The following NEK11 variants were observed in gnomAD, a reference collection of about 807,000 sequenced individuals.
NEK11 encodes serine/threonine-protein kinase Nek11.
A neutral mutation model predicts 80.7 loss-of-function variants in NEK11; 72 were observed. The ratio of observed to expected loss-of-function variants is 0.89; its 90% confidence interval spans 0.74 to 1.08. NEK11 has a LOEUF of 1.08. Among genes scored for constraint, NEK11 ranks in the 50% least tolerant of loss-of-function variants. The pLI, the probability that NEK11 is intolerant of heterozygous loss-of-function variation, is 0.00. For missense variants in NEK11, 764 were observed against 763.6 expected (o/e 1.00, Z -0.01); for synonymous variants, 251 against 260.7 (o/e 0.96, Z 0.36).
chr3:131,209,528 A>C (rs900371609), intron 14 of NEK11, among the ~76,000 whole-genome samples: 2 of 151,764 alleles, frequency 1.3e-5, no homozygotes, highest in African/African-American at 4.8e-5. Context: ...TTTTCTATTG[A>C]TCTATTGATT....
At chr3:131,286,543 C>T (rs1019750567) in intron 17 of NEK11, among the ~76,000 whole-genome samples, 13 of 152,148 alleles carry the variant, frequency 8.5e-5, no homozygotes, top group African/African-American at 3.1e-4. Flanking sequence ...TACAGCTGTT[C>T]CTATAGTATT....
At chr3:131,118,773 G>C (rs923510893) in intron 5 of NEK11, among the ~76,000 whole-genome samples, 1 of 152,140 alleles carries the variant, frequency 6.6e-6, no homozygotes, top group Non-Finnish European at 1.5e-5. Flanking sequence ...GGTGTTTATA[G>C]TATTCTCTGA....
intron 14 of NEK11, among the ~76,000 whole-genome samples, chr3:131,182,948 C>T (rs1446537650): frequency 2.0e-5 from 3 of 152,202 alleles, no homozygotes; most frequent in Admixed American, 2.0e-4. Flanking sequence ...CTACCTCCCA[C>T]AAATCCATTT....
Position 131,050,587 on chromosome 3 carries a change from C to T in NEK11, c.170+20709C>T, listed in dbSNP as rs139346605. 5.7e-3 allele frequency among the ~76,000 whole-genome samples: 861 copies of T among 152,238 alleles called. 8 individuals carry two copies. The highest frequency in any genetic ancestry group is 0.014 in the Middle Eastern group (4 of 294). ...TATCTTCTGGAATAAAATGCAGGAA[C>T]CTTTAGTACATTTTATTGACACTAA... On this transcript the variant is annotated intron_variant, in intron 3 of 17. Transcript: ENST00000383366.
At chr3:131,225,586 C>A (rs985483855) in intron 14 of NEK11, among the ~76,000 whole-genome samples, 1 of 152,146 alleles carries the variant, frequency 6.6e-6, no homozygotes, top group Non-Finnish European at 1.5e-5. Context: ...GATGAGAAAA[C>A]TGAAGTGCAG....
chr3:131,337,057 C>T (rs146372882), intron 17 of NEK11, among the ~76,000 whole-genome samples: 1 of 152,266 alleles, frequency 6.6e-6, no homozygotes, highest in African/African-American at 2.4e-5. Context: ...GTCAGTGTGG[C>T]AATTCCTCAG....
chr3:131,332,557 C>T lies in NEK11; in HGVS notation c.1719-17000C>T, dbSNP rs528947545. Among the ~76,000 whole-genome samples, 20 of 152,274 alleles carry T rather than the reference C, an allele frequency of 1.3e-4. No individual in the cohort carries two copies. The South Asian group carries it at 3.3e-3, about 25-fold the overall frequency. ...AAACTGGAAACTCTAAAAAACAGAG[C>T]GCCTCTCCTCCTCCAAAGGAACGCA... On this transcript the variant is annotated intron_variant, in intron 17 of 17. Transcript: ENST00000383366.
rs577752658 is a variant in NEK11, at chr3:131,194,152, A to C, written c.1399+23265A>C. ...TTTAGATGGATTGCTCTATGTCAGC[A>C]TTGACAAATTGCAAGTATAGTTTTA... On this transcript the variant is annotated intron_variant, in intron 14 of 17. Coordinates refer to ENST00000383366, the MANE Select transcript of NEK11 (RefSeq NM_024800.5). 2.6e-5 allele frequency among the ~76,000 whole-genome samples: 4 copies of C among 152,350 alleles called. No individual in the cohort carries two copies. In the South Asian group the frequency reaches 8.3e-4, roughly 32 times the overall value.
intron 17 of NEK11, among the ~76,000 whole-genome samples, chr3:131,324,536 T>C (rs928266880): frequency 3.3e-5 from 5 of 152,246 alleles, no homozygotes; most frequent in African/African-American, 1.2e-4. Flanking sequence ...TCTTTGCTTC[T>C]ACTTCAGTAA....
At chr3:131,090,689 A>G (rs1214204637) in intron 4 of NEK11, among the ~76,000 whole-genome samples, 1 of 152,214 alleles carries the variant, frequency 6.6e-6, no homozygotes, top group African/African-American at 2.4e-5. Flanking sequence ...GTGTCAAATC[A>G]TAATTTGTTG....
At chr3:131,288,748 C>T (rs887950618) in intron 17 of NEK11, among the ~76,000 whole-genome samples, 5 of 151,902 alleles carry the variant, frequency 3.3e-5, no homozygotes, top group African/African-American at 9.7e-5. Flanking sequence ...CACCGCGCCC[C>T]GCCTATATGG....
chr3:131,299,092 T>G (rs1019483819), intron 17 of NEK11, among the ~76,000 whole-genome samples: 5 of 152,206 alleles, frequency 3.3e-5, no homozygotes, highest in Non-Finnish European at 1.5e-5. Flanking sequence ...TACACTTTTA[T>G]TTTAGGCTTA....
chr3:131,271,944 T>C (rs2096196686), intron 16 of NEK11, among the ~76,000 whole-genome samples: 1 of 144,610 alleles, frequency 6.9e-6, no homozygotes, highest in Non-Finnish European at 1.5e-5. Flanking sequence ...CTACTAAAAA[T>C]ACAAAATTAG....
At chr3:131,038,646 G>A (rs1187194477) in intron 3 of NEK11, among the ~76,000 whole-genome samples, 1 of 152,118 alleles carries the variant, frequency 6.6e-6, no homozygotes, top group African/African-American at 2.4e-5. Context: ...TTAGGAAGAA[G>A]GCAACAATAC....
chr3:131,225,934 T>C (rs2095179567), intron 14 of NEK11, among the ~76,000 whole-genome samples: 1 of 152,164 alleles, frequency 6.6e-6, no homozygotes, highest in African/African-American at 2.4e-5. Context: ...ACAATGTAAA[T>C]GATATTTCTT....
chr3:131,092,166 C>T (rs1479951429), intron 4 of NEK11, among the ~76,000 whole-genome samples: 2 of 152,224 alleles, frequency 1.3e-5, no homozygotes, highest in African/African-American at 4.8e-5. Context: ...CTGTCACCAT[C>T]GTCATGGACT....
chr3:131,336,578 A>G (rs1047851706), intron 17 of NEK11, among the ~76,000 whole-genome samples: 2 of 152,206 alleles, frequency 1.3e-5, no homozygotes, highest in Non-Finnish European at 2.9e-5. Context: ...CATGTCTAAA[A>G]CACCAAAAGC....
At chr3:131,298,061 C>T (rs1406891765) in intron 17 of NEK11, among the ~76,000 whole-genome samples, 3 of 152,200 alleles carry the variant, frequency 2.0e-5, no homozygotes, top group Admixed American at 2.0e-4. Flanking sequence ...GTCTTGGTTA[C>T]TGTAGCCTTG....
At chr3:131,203,787 A>G (rs1169413803) in intron 14 of NEK11, among the ~76,000 whole-genome samples, 339 of 7,466 alleles carry the variant, frequency 0.045, 7 homozygotes, top group African/African-American at 0.11. Context: ...ATATATATAT[A>G]TATATATATA....
Sources: allele counts gnomAD v4.1 joint callset (sites outside exome capture counted in the v4.1 genomes callset), GRCh38; gene constraint gnomAD v4.1.1; transcripts MANE v1.5; gene names NCBI Gene and HGNC (gene_info 2026-07-23, HGNC 2026-07-21).